The following ZNF469 variants were observed in gnomAD, a reference collection of about 807,000 sequenced individuals.
ZNF469 encodes zinc finger protein 469.
In ZNF469, 1 loss-of-function variant was observed where a neutral mutation model predicts 1.0. The observed-to-expected ratio is 1.00, with a 90% CI of 0.35 to 4.73. ZNF469 has a LOEUF of 4.73. Among genes scored for constraint, ZNF469 ranks in the 30% most tolerant of loss-of-function variants. The pLI, the probability that ZNF469 is intolerant of heterozygous loss-of-function variation, is 0.16. For missense variants in ZNF469, 6,100 were observed against 5,356.3 expected (o/e 1.14, Z -4.33); for synonymous variants, 2,703 against 2,363.4 (o/e 1.14, Z -4.17).
rs528219067 is a variant in ZNF469, at chr16:88,432,747, A to G, written c.5277A>G (p.Gln1759=). The part of the protein sequence containing the change: ...FPKNKEAASS[Q]ESEDSLRLLP... The stretch of plus-strand genomic sequence containing the variant: ...AGAATAAGGAGGCCGCCAGCTCACA[A>G]GAAAGTGAAGACTCCCTGCGGCTGC... The change falls in exon 3 of 3, where the codon CAA becomes CAG. Residue 1759 remains glutamine (Q), a synonymous_variant. Transcript: ENST00000565624. 9.7e-6 allele frequency: 15 copies of G among 1,550,430 alleles called. No individual in the cohort carries two copies. The Admixed American group carries it at 2.9e-4, about 30-fold the overall frequency.
At chr16:88,232,332 C>T in the ZNF469 span, among the ~76,000 whole-genome samples, 2 of 152,174 alleles carry the variant, frequency 1.3e-5, no homozygotes, top group South Asian at 4.1e-4. Flanking sequence ...CTCCCCCACC[C>T]AATACGGCTG....
At chr16:88,393,790 G>A (rs932767057) in intron 1 of ZNF469, among the ~76,000 whole-genome samples, 10 of 152,234 alleles carry the variant, frequency 6.6e-5, no homozygotes, top group African/African-American at 2.2e-4. Context: ...GCCGGTGTGC[G>A]ACGGCCATCA....
intron 1 of ZNF469, among the ~76,000 whole-genome samples, chr16:88,400,730 G>A (rs1904829798): frequency 7.9e-6 from 1 of 126,264 alleles, no homozygotes; most frequent in South Asian, 2.2e-4. Context: ...TGGCACCCAA[G>A]GTCAGCCTGT....
chr16:88,115,912 C>T, the ZNF469 span, among the ~76,000 whole-genome samples: 1 of 152,190 alleles, frequency 6.6e-6, no homozygotes, highest in Non-Finnish European at 1.5e-5. Flanking sequence ...GTGGTCTCTT[C>T]GTCTTTGGGG....
intron 1 of ZNF469, among the ~76,000 whole-genome samples, chr16:88,411,682 C>A (rs1446394869): frequency 1.3e-5 from 2 of 152,152 alleles, no homozygotes; most frequent in Non-Finnish European, 2.9e-5. Flanking sequence ...ACGGCGGTGG[C>A]CTGAGGTGGC....
the ZNF469 span, among the ~76,000 whole-genome samples, chr16:88,337,733 G>A: frequency 6.6e-6 from 1 of 152,188 alleles, no homozygotes; most frequent in African/African-American, 2.4e-5. Context: ...GCTCGCCGCA[G>A]CTGTGACGCA....
the ZNF469 span, among the ~76,000 whole-genome samples, chr16:88,120,984 G>C: frequency 2.6e-5 from 4 of 152,090 alleles, no homozygotes; most frequent in African/African-American, 9.7e-5. Context: ...CCTCACCATA[G>C]GTGTGGGGTG....
chr16:88,383,109 G>A lies in ZNF469; in HGVS notation c.-337G>A, dbSNP rs1347456220. Among the ~76,000 whole-genome samples, 1 of 149,798 alleles carries A rather than the reference G, an allele frequency of 6.7e-6. No individual in the cohort carries two copies. The highest frequency in any genetic ancestry group is 1.5e-5 in the Non-Finnish European group (1 of 67,132). Reference sequence around the variant, plus strand: ...CCCGAGGCGCAGCGCGCGGCAGAGCGGCTCGGTGCCCGGCGGGCGGGCGGC... The same window carrying A: ...CCCGAGGCGCAGCGCGCGGCAGAGCAGCTCGGTGCCCGGCGGGCGGGCGGC... On this transcript the variant is annotated 5_prime_UTR_variant, in exon 1 of 3. Transcript: ENST00000565624.
chr16:88,247,046 AAT>A, the ZNF469 span, among the ~76,000 whole-genome samples: 2 of 88,154 alleles, frequency 2.3e-5, no homozygotes, highest in Non-Finnish European at 4.0e-5. Flanking sequence ...TGAGTGAATG[AAT>A]GAGTGAGTGA....
At chr16:88,150,577 G>A in the ZNF469 span, among the ~76,000 whole-genome samples, 1 of 152,206 alleles carries the variant, frequency 6.6e-6, no homozygotes, top group Non-Finnish European at 1.5e-5. Context: ...GCCTGGAACA[G>A]TGCCCAGGAA....
chr16:88,223,926 C>A, the ZNF469 span, among the ~76,000 whole-genome samples: 1 of 152,188 alleles, frequency 6.6e-6, no homozygotes, highest in African/African-American at 2.4e-5. Flanking sequence ...CTGGGGGCCC[C>A]CATGAACATG....
chr16:88,242,149 C>G, the ZNF469 span, among the ~76,000 whole-genome samples: 1 of 152,214 alleles, frequency 6.6e-6, no homozygotes, highest in Non-Finnish European at 1.5e-5. Context: ...GCACTCGAGC[C>G]CAGCGCTCTG....
Position 88,436,569 on chromosome 16 carries a change from C to CG in ZNF469, c.9102dup (p.Asn3035GlufsTer13). Reference sequence around the variant, plus strand: ...GAGAACGCTGTGACGGTGGGCTTCCCGGGAACACCCACCTGCTGCCGCTCC... The same window carrying CG: ...GAGAACGCTGTGACGGTGGGCTTCCCGGGGAACACCCACCTGCTGCCGCTCC... On this transcript the variant is annotated frameshift_variant, in exon 3 of 3. Coordinates refer to ENST00000565624, the MANE Select transcript of ZNF469 (RefSeq NM_001367624.2). LOFTEE classifies it low-confidence loss of function (END_TRUNC). 6.5e-7 allele frequency: 1 copy of CG among 1,542,216 alleles called. No homozygotes were observed. Among genetic ancestry groups the CG allele is most frequent in the Non-Finnish European group, 8.8e-7 (1 of 1,141,562 alleles).
chr16:88,229,575 G>GGATGCCA, the ZNF469 span, among the ~76,000 whole-genome samples: 4 of 112,446 alleles, frequency 3.6e-5, no homozygotes, highest in South Asian at 3.1e-4. Context: ...TCACGCTTGT[G>GGATGCCA]CGCTGATGTC....
chr16:88,230,187 G>A, the ZNF469 span, among the ~76,000 whole-genome samples: 52 of 152,376 alleles, frequency 3.4e-4, no homozygotes, highest in African/African-American at 1.2e-3. Context: ...AGTCCCGCTC[G>A]TGGTTTTCCC....
rs1267251020 is a variant in ZNF469 at position 88,415,447 on chromosome 16, G to A, written c.-191-9360G>A. Reference sequence around the variant, plus strand: ...GAAGGCTCTGTGTCCTGGGAACCCAGGGGCCTGTGCTGCGGGGGGCAGTGC... The same window carrying A: ...GAAGGCTCTGTGTCCTGGGAACCCAAGGGCCTGTGCTGCGGGGGGCAGTGC... On this transcript the variant is annotated intron_variant, in intron 1 of 2. Coordinates refer to ENST00000565624, the MANE Select transcript of ZNF469 (RefSeq NM_001367624.2). Among the ~76,000 whole-genome samples, 4 of 152,322 alleles carry A rather than the reference G, an allele frequency of 2.6e-5. No homozygotes were observed. In the East Asian group the frequency reaches 7.7e-4, roughly 29 times the overall value.
chr16:88,165,509 G>A, the ZNF469 span, among the ~76,000 whole-genome samples: 2 of 152,168 alleles, frequency 1.3e-5, no homozygotes, highest in African/African-American at 4.8e-5. Context: ...CTCAGCCTCT[G>A]GGCTCCTGGA....
the ZNF469 span, among the ~76,000 whole-genome samples, chr16:88,330,411 A>G: frequency 1.3e-5 from 2 of 152,252 alleles, no homozygotes; most frequent in African/African-American, 4.8e-5. Context: ...AGTCATGCCC[A>G]TTCAGGCTCC....
At chr16:88,165,754 G>C in the ZNF469 span, among the ~76,000 whole-genome samples, 3 of 152,106 alleles carry the variant, frequency 2.0e-5, no homozygotes, top group African/African-American at 7.2e-5. Context: ...CACTGAAACT[G>C]TGTCCCCACT....
Sources: gnomAD v4.1 joint callset for allele counts (sites outside exome capture counted in the v4.1 genomes callset) on GRCh38, gnomAD v4.1.1 for gene constraint, MANE v1.5 for transcripts, NCBI Gene and HGNC (gene_info 2026-07-23, HGNC 2026-07-21) for gene names.